The following CD34 variants were observed in gnomAD, a reference collection of about 807,000 sequenced individuals.
CD34 encodes the protein CD34 molecule.
A neutral mutation model predicts 40.1 loss-of-function variants in CD34; 34 were observed. The observed-to-expected ratio is 0.85, with a 90% CI of 0.65 to 1.13. The LOEUF is 1.13. Ranked by LOEUF, CD34 falls within the 50% of genes most tolerant of loss-of-function variation. The pLI is 0.00. For synonymous variants in CD34, 209 were observed against 190.0 expected, an observed-to-expected ratio of 1.10 and a Z score of -0.82; for missense variants, 426 against 466.9, an observed-to-expected ratio of 0.91 and a Z score of 0.81.
At chr1:207,902,730 C>T (rs1435033610) in intron 1 of CD34, among the ~76,000 whole-genome samples, 1 of 152,220 alleles carries the variant, frequency 6.6e-6, no homozygotes, top group Non-Finnish European at 1.5e-5. Context: ...CCCGAAGGGC[C>T]TCCTTCACCT....
chr1:207,887,176 A>T lies in CD34; in HGVS notation c.*562T>A, dbSNP rs1185876931. 2 of 154,536 alleles carry T rather than the reference A, an allele frequency of 1.3e-5. No individual in the cohort carries two copies. Among genetic ancestry groups the T allele is most frequent in the Non-Finnish European group, 2.9e-5 (2 of 69,520 alleles). The allele number at this position is 154,536 out of a possible 1,614,324, so 9.6% of individuals were successfully genotyped here. On this transcript the variant is annotated 3_prime_UTR_variant, in exon 8 of 8. Coordinates refer to ENST00000310833, the MANE Select transcript of CD34 (RefSeq NM_001025109.2). ...CTCAGTGGAACTTAGAGAACAAGGG[A>T]GGAGCTGGTGACCAAGTCCACAGTG... is the stretch of plus-strand genomic sequence containing the variant.
At chr1:207,906,528 C>T (rs565162333) in intron 1 of CD34, among the ~76,000 whole-genome samples, 73 of 152,114 alleles carry the variant, frequency 4.8e-4, no homozygotes, top group South Asian at 8.3e-4. Context: ...CCCAGTGTAC[C>T]GAGATTTCTG....
chr1:207,891,185 C>T (rs546751489), intron 4 of CD34, among the ~76,000 whole-genome samples: 1 of 152,166 alleles, frequency 6.6e-6, no homozygotes, highest in Non-Finnish European at 1.5e-5. Flanking sequence ...CCAAATGGCA[C>T]CTTCCTCCAC....
Position 207,889,939 on chromosome 1 carries a change from C to T in CD34, c.598-318G>A, listed in dbSNP as rs997945585. On this transcript the variant is annotated intron_variant, in intron 4 of 7. Coordinates refer to ENST00000310833, the MANE Select transcript of CD34 (RefSeq NM_001025109.2). ...GCAAATTAAACTCAAAAGAAATGGC[C>T]AAAAACAGAAAATATTAATAATGCA... The T allele has an allele frequency of 6.8e-6, 10 of 1,474,962 alleles. No individual in the cohort carries two copies. The African/African-American group carries it at 8.7e-5, about 13-fold the overall frequency. 91.4% of individuals were successfully genotyped at this position (1,474,962 alleles called of 1,614,324 possible).
chr1:207,889,206 G>C lies in CD34; in HGVS notation c.762C>G (p.Ser254=). 1 of 1,613,312 alleles carries C rather than the reference G, an allele frequency of 6.2e-7. No homozygotes were observed. Among genetic ancestry groups the C allele is most frequent in the Non-Finnish European group, 8.5e-7 (1 of 1,179,260 alleles). The change falls in exon 6 of 8, where the codon TCC becomes TCG. Residue 254 remains serine, a synonymous_variant. Transcript: ENST00000310833. ...GCTTTTTCATAAGTTGGAGTTTGCTGGAAATTTCTAGAATTAGAAACAAGG... is the reference window on the plus strand; with the variant it reads ...GCTTTTTCATAAGTTGGAGTTTGCTCGAAATTTCTAGAATTAGAAACAAGG... ...LLVLANRTEI[S]SKLQLMKKHQ... is the part of the protein sequence containing the mutation.
Position 207,885,636 on chromosome 1 carries a change from A to T in CD34, c.*2102T>A, listed in dbSNP as rs1661884357. ...AGTGGGCTGGACTTCCCTACTGATT[A>T]CCATCGTCTTTTGCTCATCATCCTT... On this transcript the variant is annotated 3_prime_UTR_variant, in exon 8 of 8. Transcript: ENST00000310833. 6.6e-6 allele frequency: 1 copy of T among 151,690 alleles called. No individual in the cohort carries two copies. The highest frequency in any genetic ancestry group is 1.5e-5 in the Non-Finnish European group (1 of 67,988). The allele number at this position is 151,690 out of a possible 1,614,324, so 9.4% of individuals were successfully genotyped here. A position where few individuals can be genotyped will look rare whatever the true frequency, so the allele number is the denominator to read the frequency against.
intron 3 of CD34, among the ~76,000 whole-genome samples, chr1:207,898,397 C>T (rs1571774030): frequency 6.6e-6 from 1 of 152,272 alleles, no homozygotes; most frequent in South Asian, 2.1e-4. Context: ...TATCTCATGA[C>T]TGAGGCCCTC....
chr1:207,899,702 A>T, intron 2 of CD34, 119 bp downstream of exon 2: 1 of 881,518 alleles, frequency 1.1e-6, no homozygotes, highest in Non-Finnish European at 1.8e-6. Context: ...TCAAGTCATT[A>T]ATACTAGGGA....
chr1:207,896,078 C>T (rs1180982574), intron 4 of CD34, among the ~76,000 whole-genome samples: 1 of 152,136 alleles, frequency 6.6e-6, no homozygotes, highest in East Asian at 1.9e-4. Context: ...AACTGATGAT[C>T]GTAGTAAAAC....
intron 3 of CD34, among the ~76,000 whole-genome samples, chr1:207,898,336 C>G (rs1017935968): frequency 6.6e-6 from 1 of 152,126 alleles, no homozygotes; most frequent in Non-Finnish European, 1.5e-5. Context: ...TGAGCCACCA[C>G]GCCTGGCCCT....
chr1:207,888,168 C>T (rs375704833), intron 7 of CD34: 382 of 1,604,012 alleles, frequency 2.4e-4, no homozygotes, highest in Non-Finnish European at 2.9e-4. Flanking sequence ...CACCGCAGCT[C>T]GGCAGCCAGC....
intron 4 of CD34, among the ~76,000 whole-genome samples, chr1:207,895,644 A>T (rs1212014498): frequency 2.0e-5 from 3 of 152,224 alleles, no homozygotes; most frequent in South Asian, 2.1e-4. Flanking sequence ...CACTTTTCTC[A>T]TACAGTGACC....
At chr1:207,891,277 T>G (rs1302827824) in intron 4 of CD34, among the ~76,000 whole-genome samples, 1 of 152,140 alleles carries the variant, frequency 6.6e-6, no homozygotes, top group African/African-American at 2.4e-5. Context: ...TGTGCAAGTG[T>G]CATGTGTATG....
chr1:207,911,055 G>C lies in CD34; in HGVS notation c.26C>G (p.Ala9Gly). The C allele has an allele frequency of 1.9e-6, 3 of 1,590,678 alleles. No homozygotes were observed. Among genetic ancestry groups the C allele is most frequent in the Non-Finnish European group, 2.6e-6 (3 of 1,172,068 alleles). Residue 9 changes from alanine to glycine, a missense_variant, in exon 1 of 8, where the codon GCA becomes GGA. Coordinates refer to ENST00000310833, the MANE Select transcript of CD34 (RefSeq NM_001025109.2). MLVRRGAR[A>G]GPRMPRGWTA... is the part of the protein sequence containing the mutation. ...CCAGCCCCGCGGCATCCTGGGCCCTGCGCGCGCGCCCCTGCGGACCAGCAT... is the reference window on the plus strand; with the variant it reads ...CCAGCCCCGCGGCATCCTGGGCCCTCCGCGCGCGCCCCTGCGGACCAGCAT...
At chr1:207,910,896 G>A in intron 1 of CD34, 106 bp downstream of exon 1, 1 of 1,171,264 alleles carries the variant, frequency 8.5e-7, no homozygotes, top group Non-Finnish European at 1.2e-6. Context: ...GGTTGGGCAG[G>A]GGTCCCTTCC....
At position 207,881,244 on chromosome 1, in the gene CD34, A is replaced by C. The variant is rs1204679; in HGVS notation, c.*6494T>G. On this transcript the variant is annotated 3_prime_UTR_variant, in exon 8 of 8. Transcript: ENST00000310833. ...TGGTCTCTGAGGTCAAAACAATTTG[A>C]ATAATAATACTACAAATCTATTTTC... 43,854 of 152,114 alleles carry C rather than the reference A, an allele frequency of 0.29. 6,956 individuals carry two copies. Among genetic ancestry groups the C allele is most frequent in the East Asian group, 0.7 (3,643 of 5,182 alleles). The allele number at this position is 152,114 out of a possible 1,614,324, so 9.4% of individuals were successfully genotyped here.
Position 207,889,620 on chromosome 1 carries a change from G to A in CD34, c.599C>T (p.Ala200Val), listed in dbSNP as rs34679398. ...CTCTCCCCTGTCCTTCTTAAACTCCGCCTGGGAAGACAGAGAAACATGGAG... is the reference window on the plus strand; with the variant it reads ...CTCTCCCCTGTCCTTCTTAAACTCCACCTGGGAAGACAGAGAAACATGGAG... ...CLEQNKTSSC[A>V]EFKKDRGEGL... The change falls in exon 5 of 8, where the codon GCG becomes GTG. Residue 200 changes from alanine (A) to valine (V), a missense_variant and splice_region_variant. By Grantham distance (64) the Ala-to-Val change is moderately conservative (BLOSUM62 0). Transcript: ENST00000310833. The A allele has an allele frequency of 1.8e-4, 298 of 1,612,202 alleles. 1 individual carries two copies. Among genetic ancestry groups the A allele is most frequent in the Non-Finnish European group, 2.3e-4 (268 of 1,179,190 alleles).
At position 207,885,997 on chromosome 1, in the gene CD34, A is replaced by AT. The variant is rs140978495; in HGVS notation, c.*1740dup. On this transcript the variant is annotated 3_prime_UTR_variant, in exon 8 of 8. Coordinates refer to ENST00000310833, the MANE Select transcript of CD34 (RefSeq NM_001025109.2). ...GCTGGGGGGAGGTACATGCTTACAG[A>AT]TTTTTTTTTTAATTAGGCTGCTGTC... 5,892 of 148,092 alleles carry AT rather than the reference A, an allele frequency of 0.04. 120 individuals carry two copies. Among genetic ancestry groups the AT allele is most frequent in the Middle Eastern group, 0.068 (20 of 292 alleles). 9.2% of individuals were successfully genotyped at this position (148,092 alleles called of 1,614,324 possible).
At chr1:207,899,320 A>G in intron 2 of CD34, 94 bp from the exon 3 acceptor site, 1 of 1,355,018 alleles carries the variant, frequency 7.4e-7, no homozygotes, top group South Asian at 1.3e-5. Flanking sequence ...TTCAACACAG[A>G]AAAGGGAGTT....
Sources: gnomAD v4.1 joint callset for allele counts (sites outside exome capture counted in the v4.1 genomes callset) on GRCh38, gnomAD v4.1.1 for gene constraint, MANE v1.5 for transcripts, NCBI Gene and HGNC (gene_info 2026-07-23, HGNC 2026-07-21) for gene names.